Variants in TOM1 observed in about 807,000 individuals in gnomAD.
TOM1 encodes target of Myb protein 1.
In TOM1, 38 loss-of-function variants were observed where a neutral mutation model predicts 61.3. The ratio of observed to expected loss-of-function variants is 0.62; its 90% CI spans 0.48 to 0.81. The LOEUF is 0.81. Ranked by LOEUF, TOM1 falls within the 40% of genes least tolerant of loss-of-function variation. The pLI is 0.00. For synonymous variants in TOM1, 270 were observed against 268.8 expected (o/e 1.00, Z -0.04); for missense variants, 591 against 659.6 (o/e 0.90, Z 1.14).
rs549934302 is a variant in TOM1, at chr22:35,323,971, G to C, written c.648+57G>C. 38 of 1,502,788 alleles carry C rather than the reference G, an allele frequency of 2.5e-5. No homozygotes were observed. In the African/African-American group the frequency reaches 4.6e-4, roughly 18 times the overall value. The allele number at this position is 1,502,788 out of a possible 1,614,324, so 93.1% of individuals were successfully genotyped here. On this transcript the variant is annotated intron_variant, in intron 6 of 14. Coordinates refer to ENST00000449058, the MANE Select transcript of TOM1 (RefSeq NM_005488.3). This position sits in a 1 kb window ranked among gnomAD's most constrained non-coding sequence, Gnocchi z 4.2. ...CCAGGCAGGTGGGCCACACACGTCA[G>C]GGAGGGCCCCCTGTCAGAATTTACC...
intron 3 of TOM1, 60 bp from the exon 4 acceptor site, chr22:35,322,968 G>A (rs768792996): frequency 1.3e-6 from 2 of 1,586,998 alleles, no homozygotes; most frequent in South Asian, 1.1e-5. Flanking sequence ...CGAGGGTGGG[G>A]GTTCTGAGCA....
At chr22:35,322,702 T>A (rs1397184206) in intron 3 of TOM1, 4 of 272,612 alleles carry the variant, frequency 1.5e-5, no homozygotes, top group African/African-American at 8.9e-5. Flanking sequence ...AGATGCTCCT[T>A]GATTTCCTCT....
intron 3 of TOM1, 45 bp downstream of exon 3, chr22:35,322,082 T>C (rs753331109): frequency 6.3e-7 from 1 of 1,579,772 alleles, no homozygotes; most frequent in South Asian, 1.1e-5. Context: ...TACGGTCCAC[T>C]GAAAGTCACC....
chr22:35,308,034 T>C (rs1028787900), intron 1 of TOM1, among the ~76,000 whole-genome samples: 19 of 152,164 alleles, frequency 1.2e-4, no homozygotes, highest in African/African-American at 4.6e-4. Context: ...AAGGCCTGAA[T>C]AGGAAAAAGA....
At chr22:35,322,972 C>G in intron 3 of TOM1, 56 bp from the exon 4 acceptor site, 3 of 1,592,736 alleles carry the variant, frequency 1.9e-6, no homozygotes, top group African/African-American at 1.3e-5. Flanking sequence ...GGTGGGGGTT[C>G]TGAGCACCTC....
chr22:35,301,048 C>CAA (rs139553640), intron 1 of TOM1, among the ~76,000 whole-genome samples: 79 of 111,180 alleles, frequency 7.1e-4, no homozygotes, highest in South Asian at 3.8e-3. Context: ...CCCGTCTCTA[C>CAA]AAAAAAAAAA....
rs138233115 is a variant in TOM1, at chr22:35,325,742, T to C, written c.649-1529T>C. Among the ~76,000 whole-genome samples the C allele has an allele frequency of 9.0e-3, 1,375 of 152,314 alleles. 89 individuals carry two copies. The highest frequency in any genetic ancestry group is 0.085 in the Admixed American group (1,305 of 15,294). The stretch of plus-strand genomic sequence containing the variant: ...TTAACCAATTTTCTGAAGTCTAGCA[T>C]CTGTGTGGATTAAGACGCTAATTAC... On this transcript the variant is annotated intron_variant, in intron 6 of 14. Transcript: ENST00000449058.
chr22:35,344,672 A>C (rs1234801325), intron 12 of TOM1: 1 of 152,104 alleles, frequency 6.6e-6, no homozygotes, highest in Non-Finnish European at 1.5e-5. Flanking sequence ...TGGGTGACAG[A>C]GCTTGGAAAC....
intron 1 of TOM1, 77 bp downstream of exon 1, chr22:35,300,057 G>C: frequency 1.3e-6 from 2 of 1,503,124 alleles, no homozygotes; most frequent in Non-Finnish European, 1.8e-6. Flanking sequence ...GCCTCCGGGT[G>C]CCTAGTCACG....
At chr22:35,339,984 TG>T (rs1372042493) in intron 12 of TOM1, among the ~76,000 whole-genome samples, 1 of 152,094 alleles carries the variant, frequency 6.6e-6, no homozygotes, top group Admixed American at 6.5e-5. Flanking sequence ...GTTCCTTGAC[TG>T]TGTGTTGAGT....
chr22:35,332,601 CACACAT>C (rs1391298596), intron 8 of TOM1, among the ~76,000 whole-genome samples: 472 of 30,090 alleles, frequency 0.016, 2 homozygotes, highest in African/African-American at 0.055. Flanking sequence ...CACACACACA[CACACAT>C]ACACACACAC....
At chr22:35,300,134 C>T (rs1305546627) in intron 1 of TOM1, among the ~76,000 whole-genome samples, 154 bp downstream of exon 1, 1 of 152,276 alleles carries the variant, frequency 6.6e-6, no homozygotes, top group Non-Finnish European at 1.5e-5. Flanking sequence ...TTTCCTCCCA[C>T]TCTTGATTGA....
intron 2 of TOM1, chr22:35,318,329 C>T: frequency 3.7e-6 from 1 of 271,214 alleles, no homozygotes; most frequent in East Asian, 7.1e-5. Context: ...GGAGTGTGTA[C>T]TAGAGAGACT....
chr22:35,304,230 GTCTGTCC>G (rs1926110388), intron 1 of TOM1, among the ~76,000 whole-genome samples: 1 of 152,066 alleles, frequency 6.6e-6, no homozygotes, highest in Non-Finnish European at 1.5e-5. Context: ...TTGAATTGAT[GTCTGTCC>G]CACCCTCCAA....
At chr22:35,327,220 A>G (rs956198353) in intron 6 of TOM1, 51 bp from the exon 7 acceptor site, 8 of 1,553,166 alleles carry the variant, frequency 5.2e-6, no homozygotes, top group Non-Finnish European at 7.1e-6. Context: ...TGTGAGTAAC[A>G]TGGGCCCCAG....
intron 12 of TOM1, among the ~76,000 whole-genome samples, chr22:35,343,519 ACACACAC>A (rs1930173968): frequency 7.4e-6 from 1 of 135,744 alleles, no homozygotes. Context: ...TCATACACCT[ACACACAC>A]CACACACACA....
chr22:35,340,730 G>C (rs1451780589), intron 12 of TOM1, among the ~76,000 whole-genome samples: 1 of 151,954 alleles, frequency 6.6e-6, no homozygotes, highest in South Asian at 2.1e-4. Context: ...CTGGGCAATG[G>C]AGTAAGACCC....
chr22:35,299,758 T>C, upstream of TOM1: 1 of 712,596 alleles, frequency 1.4e-6, no homozygotes, highest in Non-Finnish European at 2.3e-6. Flanking sequence ...GCCCTCCGCC[T>C]CGGGGGCGGG....
chr22:35,313,940 A>C (rs902452574), intron 1 of TOM1, among the ~76,000 whole-genome samples: 1 of 152,212 alleles, frequency 6.6e-6, no homozygotes. Flanking sequence ...GAGGTCGGGG[A>C]ATCAGTTGTC....
Sources: allele counts gnomAD v4.1 joint callset (sites outside exome capture counted in the v4.1 genomes callset), GRCh38; gene constraint gnomAD v4.1.1; non-coding constraint Gnocchi (gnomAD v3.1); transcripts MANE v1.5; gene names NCBI Gene and HGNC (gene_info 2026-07-23, HGNC 2026-07-21).